The following RAD54L2 variants were observed in gnomAD, a reference collection of about 807,000 sequenced individuals.
The protein encoded by RAD54L2 is RAD54 like 2.
A neutral mutation model predicts 138.4 loss-of-function variants in RAD54L2; 27 were observed. The ratio of observed to expected loss-of-function variants is 0.20; its 90% CI spans 0.14 to 0.27. RAD54L2 has a LOEUF of 0.27. Ranked by LOEUF, RAD54L2 falls within the 10% of genes least tolerant of loss-of-function variation. RAD54L2 has a pLI of 1.00. For synonymous variants in RAD54L2, 644 were observed against 723.2 expected, an observed-to-expected ratio of 0.89 and a Z score of 1.76; for missense variants, 1,396 against 1,890.2, an observed-to-expected ratio of 0.74 and a Z score of 4.85.
At chr3:51,642,039 AG>A (rs1701150751) in intron 15 of RAD54L2, among the ~76,000 whole-genome samples, 172 bp downstream of exon 15, 1 of 152,130 alleles carries the variant, frequency 6.6e-6, no homozygotes, top group South Asian at 2.1e-4. Context: ...GTACTGTACT[AG>A]GGGCTGGGGG....
chr3:51,598,119 G>GTATA lies in RAD54L2; in HGVS notation c.139+7572_139+7575dup, dbSNP rs562049585. On this transcript the variant is annotated intron_variant, in intron 3 of 22. Coordinates refer to ENST00000684192, the MANE Select transcript of RAD54L2 (RefSeq NM_015106.4). ...GATATATATATATATATGTGTGTGT[G>GTATA]TATATATATATATATGTGTGTATAT... Among the ~76,000 whole-genome samples, 794 of 146,174 alleles carry GTATA rather than the reference G, an allele frequency of 5.4e-3. 14 individuals are homozygous for GTATA. The highest frequency in any genetic ancestry group is 0.019 in the African/African-American group (739 of 39,928).
chr3:51,608,187 CG>C (rs1327915780), intron 3 of RAD54L2, among the ~76,000 whole-genome samples: 1 of 147,646 alleles, frequency 6.8e-6, no homozygotes, highest in African/African-American at 2.5e-5. Context: ...AGTTCCCACA[CG>C]GGGTCGCGGC....
Position 51,645,048 on chromosome 3 carries a change from G to C in RAD54L2, c.2475G>C (p.Leu825=). 1 of 1,613,742 alleles carries C rather than the reference G, an allele frequency of 6.2e-7. No homozygotes were observed. Among genetic ancestry groups the C allele is most frequent in the Non-Finnish European group, 8.5e-7 (1 of 1,179,900 alleles). Residue 825 remains leucine, a synonymous_variant, in exon 17 of 23, where the codon CTG becomes CTC. Coordinates refer to ENST00000684192, the MANE Select transcript of RAD54L2 (RefSeq NM_015106.4). This position sits in a 1 kb window ranked among gnomAD's most constrained non-coding sequence, Gnocchi z 6.1. ...GGGCCGGATGCTTGGGTGTGAATCT[G>C]ATTGGTGCCAACCGAGTGGTGGTGT... ...STRAGCLGVN[L]IGANRVVVFD...
intron 14 of RAD54L2, among the ~76,000 whole-genome samples, chr3:51,641,427 C>T (rs1476837447): frequency 1.3e-5 from 2 of 152,124 alleles, no homozygotes; most frequent in African/African-American, 4.8e-5. Flanking sequence ...AGTGATTCTC[C>T]TGCCTTAGCC....
chr3:51,567,433 C>CT (rs1699242190), intron 2 of RAD54L2, among the ~76,000 whole-genome samples: 2 of 151,838 alleles, frequency 1.3e-5, no homozygotes, highest in African/African-American at 2.4e-5. Flanking sequence ...CCTCTCAGTA[C>CT]TTTTTTTTGT....
chr3:51,602,683 G>T (rs1237064029), intron 3 of RAD54L2, among the ~76,000 whole-genome samples: 1 of 152,166 alleles, frequency 6.6e-6, no homozygotes, highest in Non-Finnish European at 1.5e-5. Flanking sequence ...CATTCATCCA[G>T]TCATTCAATA....
chr3:51,627,827 C>CA (rs1700728685), intron 4 of RAD54L2, 73 bp downstream of exon 4: 7 of 1,509,722 alleles, frequency 4.6e-6, no homozygotes, highest in Non-Finnish European at 6.4e-6. Context: ...CTGTCAATAG[C>CA]AAAAAGACTG....
intron 2 of RAD54L2, among the ~76,000 whole-genome samples, chr3:51,589,764 A>C (rs1699801660): frequency 6.6e-6 from 1 of 152,022 alleles, no homozygotes; most frequent in South Asian, 2.1e-4. Context: ...TGCTCAGGAA[A>C]CAGTTGATAC....
rs571415970 is a variant in RAD54L2 at position 51,666,110 on chromosome 3, T to C, written c.*2690T>C. The stretch of plus-strand genomic sequence containing the variant: ...CTTTCTTTTATATGTGCAGTTTCTA[T>C]TGTGTAGAGGGGTTGGGGGTGGGAT... On this transcript the variant is annotated 3_prime_UTR_variant, in exon 23 of 23. Transcript: ENST00000684192. 2 of 151,404 alleles carry C rather than the reference T, an allele frequency of 1.3e-5. No individual in the cohort carries two copies. The highest frequency in any genetic ancestry group is 1.9e-4 in the East Asian group (1 of 5,158). 9.4% of individuals were successfully genotyped at this position (151,404 alleles called of 1,614,324 possible).
chr3:51,638,265 G>A lies in RAD54L2; in HGVS notation c.1804G>A (p.Gly602Ser). 6.2e-7 allele frequency: 1 copy of A among 1,614,018 alleles called. No homozygotes were observed. Among genetic ancestry groups the A allele is most frequent in the Non-Finnish European group, 8.5e-7 (1 of 1,179,890 alleles). Residue 602 changes from glycine to serine, a missense_variant, in exon 12 of 23, where the codon GGT becomes AGT. This residue lies in a region of RAD54L2 where 211 missense variants were observed against 273.8 expected (regional missense o/e 0.77). Transcript: ENST00000684192. This position sits in a 1 kb window ranked among gnomAD's most constrained non-coding sequence, Gnocchi z 4.3. Reference sequence around the variant, plus strand: ...GTTCATGGATCGCTTCCGGGACTGTGGTAGCAGCGGTTGGCTGGGGCTGAA... The same window carrying A: ...GTTCATGGATCGCTTCCGGGACTGTAGTAGCAGCGGTTGGCTGGGGCTGAA... ...TQFMDRFRDC[G>S]SSGWLGLNPL...
chr3:51,576,623 G>GT (rs753000011), intron 2 of RAD54L2, among the ~76,000 whole-genome samples: 8 of 152,152 alleles, frequency 5.3e-5, no homozygotes, highest in Non-Finnish European at 8.8e-5. Context: ...AGATTTTCTA[G>GT]TTTATTTGTG....
chr3:51,628,769 A>G (rs1700756438), intron 4 of RAD54L2, among the ~76,000 whole-genome samples: 1 of 151,810 alleles, frequency 6.6e-6, no homozygotes, highest in Non-Finnish European at 1.5e-5. Flanking sequence ...AGGCTGGAGT[A>G]CAGTGGTGCA....
At chr3:51,661,387 A>C (rs555101462) in intron 22 of RAD54L2, among the ~76,000 whole-genome samples, 1 of 152,360 alleles carries the variant, frequency 6.6e-6, no homozygotes, top group South Asian at 2.1e-4. Context: ...GAAGGTTCGC[A>C]CAGGATGAGC....
chr3:51,610,249 C>T (rs1306959903), intron 3 of RAD54L2, among the ~76,000 whole-genome samples: 4 of 152,136 alleles, frequency 2.6e-5, no homozygotes, highest in Non-Finnish European at 4.4e-5. Context: ...TCACAATCCC[C>T]CGAGGCTACA....
intron 2 of RAD54L2, among the ~76,000 whole-genome samples, chr3:51,550,872 C>A (rs1028867156): frequency 6.6e-6 from 1 of 152,022 alleles, no homozygotes; most frequent in African/African-American, 2.4e-5. Context: ...CATGGTGAAA[C>A]CCTGTGCTTA....
intron 3 of RAD54L2, among the ~76,000 whole-genome samples, chr3:51,599,228 G>A (rs1321966535): frequency 6.6e-6 from 1 of 152,184 alleles, no homozygotes; most frequent in Non-Finnish European, 1.5e-5. Context: ...GTAGTGGTGT[G>A]AGAGCAGAGG....
chr3:51,648,550 G>T (rs760303487), intron 19 of RAD54L2, among the ~76,000 whole-genome samples: 1 of 152,208 alleles, frequency 6.6e-6, no homozygotes, highest in Non-Finnish European at 1.5e-5. Context: ...CCCAGTAGGG[G>T]CCGACTGACA....
intron 2 of RAD54L2, among the ~76,000 whole-genome samples, chr3:51,549,743 A>C (rs1205533670): frequency 7.5e-5 from 11 of 146,392 alleles, no homozygotes; most frequent in African/African-American, 2.6e-4. Flanking sequence ...ACGCCACTGC[A>C]CTCCAGCCTG....
chr3:51,614,354 G>A (rs1577426594), intron 3 of RAD54L2, among the ~76,000 whole-genome samples: 1 of 152,002 alleles, frequency 6.6e-6, no homozygotes, highest in South Asian at 2.1e-4. Context: ...TGTAGATACA[G>A]GCTTTTGCTG....
Sources: gnomAD v4.1 joint callset for allele counts (sites outside exome capture counted in the v4.1 genomes callset) on GRCh38, gnomAD v4.1.1 for gene constraint, gnomAD v4.1.1 regional missense constraint, Gnocchi (gnomAD v3.1) non-coding constraint, MANE v1.5 for transcripts, NCBI Gene and HGNC (gene_info 2026-07-23, HGNC 2026-07-21) for gene names.